The following PHF21A variants were observed in gnomAD, a reference collection of about 807,000 sequenced individuals.
The protein encoded by PHF21A is BHC80a.
In PHF21A, 11 loss-of-function variants were observed where a neutral mutation model predicts 82.5. The ratio of observed to expected loss-of-function variants is 0.13; its 90% CI spans 0.08 to 0.22. The LOEUF is 0.22. Among genes scored for constraint, PHF21A ranks in the 10% least tolerant of loss-of-function variants. The pLI, the probability that PHF21A is intolerant of heterozygous loss-of-function variation, is 1.00. For synonymous variants in PHF21A, 297 were observed against 302.8 expected (o/e 0.98, Z 0.20); for missense variants, 579 against 837.8 (o/e 0.69, Z 3.81).
intron 6 of PHF21A, among the ~76,000 whole-genome samples, chr11:46,034,191 G>A (rs1403398640): frequency 6.6e-6 from 1 of 151,816 alleles, no homozygotes; most frequent in Non-Finnish European, 1.5e-5. Context: ...TTTTACTTCT[G>A]CTGTGAGTTG....
intron 6 of PHF21A, among the ~76,000 whole-genome samples, chr11:46,074,229 A>G (rs990747560): frequency 6.6e-6 from 1 of 152,156 alleles, no homozygotes; most frequent in Non-Finnish European, 1.5e-5. Flanking sequence ...TATTGAAAAA[A>G]ATGATTACAG....
chr11:46,087,719 G>A (rs914353633), intron 3 of PHF21A, among the ~76,000 whole-genome samples: 1 of 152,100 alleles, frequency 6.6e-6, no homozygotes, highest in South Asian at 2.1e-4. Flanking sequence ...GGTCTCATAT[G>A]TTGCCCAGGC....
At chr11:46,006,563 A>T (rs1054079445) in intron 6 of PHF21A, among the ~76,000 whole-genome samples, 2 of 152,238 alleles carry the variant, frequency 1.3e-5, no homozygotes, top group Admixed American at 1.3e-4. Context: ...GTTCATCTAC[A>T]CAGGCAGCTG....
chr11:45,964,836 G>A (rs1310282738), intron 10 of PHF21A, among the ~76,000 whole-genome samples: 1 of 152,074 alleles, frequency 6.6e-6, no homozygotes, highest in Non-Finnish European at 1.5e-5. Context: ...AATGCTTTTT[G>A]GAAATTTTAA....
At position 45,982,251 on chromosome 11, in the gene PHF21A, C is replaced by A. The variant is rs557505987; in HGVS notation, c.154-2285G>T. ...GGATTATAGGCATAAGCCACCACGC[C>A]CGGCTGAGAGGTTTTTAGAAAAATA... On this transcript the variant is annotated intron_variant, in intron 6 of 18. Coordinates refer to ENST00000676320, the MANE Select transcript of PHF21A (RefSeq NM_001352027.3). 1.5e-4 allele frequency among the ~76,000 whole-genome samples: 23 copies of A among 152,146 alleles called. 1 individual carries two copies. The East Asian group carries it at 4.2e-3, about 28-fold the overall frequency.
chr11:46,114,905 G>A (rs1050023515), intron 1 of PHF21A, among the ~76,000 whole-genome samples: 1 of 152,130 alleles, frequency 6.6e-6, no homozygotes, highest in Non-Finnish European at 1.5e-5. Context: ...TGGCTTCTGT[G>A]TTTAAGTTAT....
chr11:45,966,325 G>A (rs192415184), intron 9 of PHF21A, among the ~76,000 whole-genome samples: 54 of 152,142 alleles, frequency 3.5e-4, no homozygotes, highest in African/African-American at 1.2e-3. Context: ...CTCTTCCTCC[G>A]ATAATTGCCT....
intron 6 of PHF21A, among the ~76,000 whole-genome samples, chr11:45,995,356 C>CT (rs2094868188): frequency 6.6e-6 from 1 of 152,158 alleles, no homozygotes; most frequent in South Asian, 2.1e-4. Context: ...CTCTTGGTGG[C>CT]TGAAGGTGCT....
rs778633604 is a variant in PHF21A, at chr11:46,084,229, T to C, written c.-10A>G. On this transcript the variant is annotated 5_prime_UTR_variant, in exon 4 of 19. Transcript: ENST00000676320. ...GAGTCTGCAACTCCATCCTCTACCT[T>C]CTCCACTTTCTCTGCTAATTCTATA... is the stretch of plus-strand genomic sequence containing the variant. 1 of 1,592,004 alleles carries C rather than the reference T, an allele frequency of 6.3e-7. No homozygotes were observed.
At chr11:45,973,958 T>C (rs1022302141) in intron 7 of PHF21A, among the ~76,000 whole-genome samples, 6 of 152,246 alleles carry the variant, frequency 3.9e-5, no homozygotes, top group African/African-American at 1.4e-4. Context: ...CTGATGATTC[T>C]ACAAAATACT....
At chr11:45,983,137 G>A (rs1430720902) in intron 6 of PHF21A, among the ~76,000 whole-genome samples, 3 of 152,132 alleles carry the variant, frequency 2.0e-5, no homozygotes, top group South Asian at 2.1e-4. Context: ...GCAAGGTGAC[G>A]ACCAATCAGA....
intron 12 of PHF21A, 78 bp from the exon 13 acceptor site, chr11:45,949,559 G>T: frequency 8.6e-7 from 1 of 1,168,628 alleles, no homozygotes; most frequent in Non-Finnish European, 1.3e-6. Flanking sequence ...TTTATCTATT[G>T]GTTTTCCCAT....
chr11:46,077,514 A>T (rs973806016), intron 5 of PHF21A, among the ~76,000 whole-genome samples: 1 of 152,262 alleles, frequency 6.6e-6, no homozygotes, highest in African/African-American at 2.4e-5. Context: ...ACAGCCTACT[A>T]GCAGACTGAA....
chr11:46,046,157 G>A (rs1290243113), intron 6 of PHF21A, among the ~76,000 whole-genome samples: 2 of 152,218 alleles, frequency 1.3e-5, no homozygotes, highest in Admixed American at 6.5e-5. Context: ...TTTCAAGAGT[G>A]TCCCTGAGCT....
At chr11:46,118,460 T>C (rs992146441) in intron 1 of PHF21A, among the ~76,000 whole-genome samples, 1 of 150,204 alleles carries the variant, frequency 6.7e-6, no homozygotes, top group Non-Finnish European at 1.5e-5. Context: ...CGTAACATGT[T>C]AGCCAGATGT....
chr11:46,003,195 C>G (rs1050565703), intron 6 of PHF21A, among the ~76,000 whole-genome samples: 2 of 151,300 alleles, frequency 1.3e-5, no homozygotes, highest in Non-Finnish European at 2.9e-5. Context: ...AAAAGAAAAT[C>G]TGTATATGAG....
chr11:45,965,494 T>G lies in PHF21A; in HGVS notation c.817A>C (p.Thr273Pro). 1 of 1,613,512 alleles carries G rather than the reference T, an allele frequency of 6.2e-7. No homozygotes were observed. The highest frequency in any genetic ancestry group is 8.5e-7 in the Non-Finnish European group (1 of 1,179,750). The change falls in exon 10 of 19, where the codon ACA becomes CCA. Residue 273 changes from threonine to proline, a missense_variant. Physicochemically the swap from Thr to Pro is conservative, Grantham distance 38. Transcript: ENST00000676320. The stretch of plus-strand genomic sequence containing the variant: ...GAATTCTGGGATGTGGGAAGGGTTG[T>G]GGGGGTGAACTTGGTCAGCATGACG... ...RPVMLTKFTP[T>P]TLPTSQNSIH...
intron 6 of PHF21A, among the ~76,000 whole-genome samples, chr11:46,053,734 G>A (rs1188683482): frequency 1.3e-5 from 2 of 151,938 alleles, no homozygotes; most frequent in African/African-American, 4.8e-5. Context: ...TGGTTAATTT[G>A]GCAGTAACAT....
chr11:46,113,427 T>A (rs912911803), intron 1 of PHF21A, among the ~76,000 whole-genome samples: 10 of 152,110 alleles, frequency 6.6e-5, no homozygotes, highest in African/African-American at 2.4e-5. Context: ...CAGAAAAAAA[T>A]GCTGAAAAAG....
Sources: gnomAD v4.1 joint callset for allele counts (sites outside exome capture counted in the v4.1 genomes callset) on GRCh38, gnomAD v4.1.1 for gene constraint, MANE v1.5 for transcripts, NCBI Gene and HGNC (gene_info 2026-07-23, HGNC 2026-07-21) for gene names.